Variants in ACER3 observed in about 807,000 individuals in gnomAD.
ACER3 encodes alkCDase 3.
In ACER3, 16 loss-of-function variants were observed where a neutral mutation model predicts 48.9. The ratio of observed to expected loss-of-function variants is 0.33; its 90% CI spans 0.22 to 0.50. The LOEUF (loss-of-function observed/expected upper bound fraction) is 0.50. ACER3 is among the 20% of genes least tolerant of loss of function. The probability of loss-of-function intolerance (pLI) is 0.98; values close to 1 mark genes in which losing one functional copy is unlikely to be tolerated. For missense variants in ACER3, 227 were observed against 326.0 expected, an observed-to-expected ratio of 0.70 and a Z score of 2.34; for synonymous variants, 109 against 107.8, an observed-to-expected ratio of 1.01 and a Z score of -0.07.
At chr11:76,923,608 G>C (rs557276571) in intron 1 of ACER3, among the ~76,000 whole-genome samples, 2 of 152,178 alleles carry the variant, frequency 1.3e-5, no homozygotes, top group East Asian at 3.9e-4. Context: ...AAATAGTCTT[G>C]AATTTTGTTC....
chr11:77,022,889 AAAAG>A lies in ACER3; in HGVS notation c.*2566_*2569del, dbSNP rs1949494764. The A allele has an allele frequency of 5.9e-6, 2 of 336,438 alleles. No homozygotes were observed. The highest frequency in any genetic ancestry group is 1.1e-5 in the Non-Finnish European group (2 of 188,720). 20.8% of individuals were successfully genotyped at this position (336,438 alleles called of 1,614,324 possible). On this transcript the variant is annotated 3_prime_UTR_variant, in exon 11 of 11. Coordinates refer to ENST00000532485, the MANE Select transcript of ACER3 (RefSeq NM_018367.7). Reference sequence around the variant, plus strand: ...GTCTCAAAAAAAAAAAAAAAAAAAAAAAAGAAAAGAAAAGAAAATATAAGGATGT... The same window carrying A: ...GTCTCAAAAAAAAAAAAAAAAAAAAAAAAAGAAAAGAAAATATAAGGATGT...
rs1947915677 is a variant in ACER3 at position 76,959,040 on chromosome 11, T to C, written c.267+9T>C. 6.2e-7 allele frequency: 1 copy of C among 1,613,766 alleles called. No individual in the cohort carries two copies. Among genetic ancestry groups the C allele is most frequent in the African/African-American group, 1.3e-5 (1 of 74,928 alleles). On this transcript the variant is annotated intron_variant, in intron 3 of 10. Coordinates refer to ENST00000532485, the MANE Select transcript of ACER3 (RefSeq NM_018367.7). Reference sequence around the variant, plus strand: ...TGAAATATGAAATGCAGGTTAGTAATGATGAAATTGACAAATGCTTATTTC... The same window carrying C: ...TGAAATATGAAATGCAGGTTAGTAACGATGAAATTGACAAATGCTTATTTC...
chr11:76,864,590 A>G (rs1315010249), intron 1 of ACER3, among the ~76,000 whole-genome samples: 1 of 109,536 alleles, frequency 9.1e-6, no homozygotes, highest in Admixed American at 9.0e-5. Context: ...ATAATATGGA[A>G]TGGGTATTTT....
chr11:76,880,208 T>C (rs1224627529), intron 1 of ACER3, among the ~76,000 whole-genome samples: 46 of 152,224 alleles, frequency 3.0e-4, no homozygotes, highest in Non-Finnish European at 1.0e-4. Flanking sequence ...TTTAACGTAT[T>C]CCTTTTTTAG....
intron 1 of ACER3, among the ~76,000 whole-genome samples, chr11:76,914,729 A>G (rs577183523): frequency 1.3e-5 from 2 of 152,330 alleles, no homozygotes; most frequent in African/African-American, 4.8e-5. Flanking sequence ...TCATGCTGCT[A>G]TAAAGACACA....
At chr11:76,939,000 A>G (rs1947268773) in intron 2 of ACER3, among the ~76,000 whole-genome samples, 1 of 150,120 alleles carries the variant, frequency 6.7e-6, no homozygotes, top group African/African-American at 2.4e-5. Context: ...TGTCAAAGTA[A>G]CACAGAAGGC....
chr11:76,980,611 A>G (rs1948563376), intron 4 of ACER3, among the ~76,000 whole-genome samples: 1 of 152,108 alleles, frequency 6.6e-6, no homozygotes, highest in Non-Finnish European at 1.5e-5. Context: ...CAGGAGGTTG[A>G]GGTTGCAATG....
intron 1 of ACER3, among the ~76,000 whole-genome samples, chr11:76,876,161 T>C (rs565394196): frequency 3.3e-5 from 5 of 152,220 alleles, no homozygotes; most frequent in East Asian, 1.9e-4. Context: ...TGTAACAACC[T>C]CTATCAAGAT....
intron 1 of ACER3, among the ~76,000 whole-genome samples, chr11:76,905,306 A>G (rs151313980): frequency 2.0e-3 from 310 of 152,344 alleles, no homozygotes; most frequent in African/African-American, 6.6e-3. Flanking sequence ...AAGTGAAACA[A>G]TATCTATTGA....
At chr11:76,871,148 C>T (rs1202824879) in intron 1 of ACER3, among the ~76,000 whole-genome samples, 1 of 152,220 alleles carries the variant, frequency 6.6e-6, no homozygotes, top group Non-Finnish European at 1.5e-5. Context: ...AGAGTGCATT[C>T]TTACTCTCTC....
intron 1 of ACER3, chr11:76,868,110 C>A (rs1399292892): frequency 7.8e-7 from 1 of 1,289,304 alleles, no homozygotes; most frequent in African/African-American, 1.5e-5. Flanking sequence ...TTTTCTTTTC[C>A]TTTTCTCAGG....
At chr11:76,894,677 A>G (rs1381377997) in intron 1 of ACER3, among the ~76,000 whole-genome samples, 2 of 152,266 alleles carry the variant, frequency 1.3e-5, no homozygotes, top group African/African-American at 4.8e-5. Flanking sequence ...GAGCTGGGCC[A>G]TATGACTGAT....
intron 1 of ACER3, among the ~76,000 whole-genome samples, chr11:76,908,728 T>TA (rs1331077782): frequency 2.0e-5 from 3 of 152,114 alleles, no homozygotes; most frequent in Admixed American, 6.6e-5. Flanking sequence ...TGAATAAATA[T>TA]AAAAAACTAT....
chr11:76,907,559 A>G (rs570152787), intron 1 of ACER3, among the ~76,000 whole-genome samples: 1 of 152,284 alleles, frequency 6.6e-6, no homozygotes, highest in African/African-American at 2.4e-5. Context: ...TTACAAGATT[A>G]TTTTTGAATT....
At position 77,022,999 on chromosome 11, in the gene ACER3, T is replaced by G. The variant is rs2135350383; in HGVS notation, c.*2672T>G. The G allele has an allele frequency of 2.5e-6, 1 of 397,096 alleles. No homozygotes were observed. Among genetic ancestry groups the G allele is most frequent in the East Asian group, 3.6e-5 (1 of 28,026 alleles). The allele number at this position is 397,096 out of a possible 1,614,324, so 24.6% of individuals were successfully genotyped here. A position where few individuals can be genotyped will look rare whatever the true frequency, so the allele number is the denominator to read the frequency against. The stretch of plus-strand genomic sequence containing the variant: ...TCTTGAAAACTGAAAGCAATTTGAC[T>G]TTTATTTTTGTTTTTCTAAAGAACA... On this transcript the variant is annotated 3_prime_UTR_variant, in exon 11 of 11. Coordinates refer to ENST00000532485, the MANE Select transcript of ACER3 (RefSeq NM_018367.7).
In ACER3 at chr11:76,902,558, C is replaced by T. The variant is rs1422071799; in HGVS notation, c.104-23999C>T. Among the ~76,000 whole-genome samples the T allele has an allele frequency of 3.3e-5, 5 of 152,332 alleles. No individual in the cohort carries two copies. The South Asian group carries it at 1.0e-3, about 32-fold the overall frequency. On this transcript the variant is annotated intron_variant, in intron 1 of 10. Transcript: ENST00000532485. The stretch of plus-strand genomic sequence containing the variant: ...CAGCTGCAGACCTTAAAGTACAGTA[C>T]ATATGAAGCAATTAAACCTTTTCTT...
intron 2 of ACER3, among the ~76,000 whole-genome samples, chr11:76,943,217 G>A (rs1947383030): frequency 6.6e-6 from 1 of 151,812 alleles, no homozygotes; most frequent in Admixed American, 6.6e-5. Flanking sequence ...GGTTTGGTTT[G>A]TTCTTGTTTT....
rs772026324 is a variant in ACER3 at position 76,864,596 on chromosome 11, A to ATTTTTTTTTTTTT, written c.103+3526_103+3538dup. On this transcript the variant is annotated intron_variant, in intron 1 of 10. Coordinates refer to ENST00000532485, the MANE Select transcript of ACER3 (RefSeq NM_018367.7). Reference sequence around the variant, plus strand: ...ACATAACTCATAATATGGAATGGGTATTTTTTTTTTTTTTTTTTTTTGAGG... The same window carrying ATTTTTTTTTTTTT: ...ACATAACTCATAATATGGAATGGGTATTTTTTTTTTTTTTTTTTTTTTTTTTTTTTTTTTGAGG... 1.3e-4 allele frequency among the ~76,000 whole-genome samples: 13 copies of ATTTTTTTTTTTTT among 99,932 alleles called. 1 individual carries two copies. The highest frequency in any genetic ancestry group is 2.6e-4 in the Non-Finnish European group (13 of 49,502). 65.6% of individuals were successfully genotyped at this position (99,932 alleles called of 152,430 possible). A position where few individuals can be genotyped will look rare whatever the true frequency, so the allele number is the denominator to read the frequency against.
intron 1 of ACER3, among the ~76,000 whole-genome samples, chr11:76,909,947 AG>A (rs1946328539): frequency 6.6e-6 from 1 of 152,212 alleles, no homozygotes; most frequent in Non-Finnish European, 1.5e-5. Flanking sequence ...GCCATAAAAA[AG>A]AATTAGTTCA....
Sources: allele counts gnomAD v4.1 joint callset (sites outside exome capture counted in the v4.1 genomes callset), GRCh38; gene constraint gnomAD v4.1.1; transcripts MANE v1.5; gene names NCBI Gene and HGNC (gene_info 2026-07-23, HGNC 2026-07-21).